CSPG4: variants seen among roughly 807,000 people sequenced by gnomAD.
CSPG4 encodes chondroitin sulfate proteoglycan 4, also known as chondroitin sulfate proteoglycan 4 (melanoma-associated).
A neutral mutation model predicts 139.3 loss-of-function variants in CSPG4; 74 were observed. That is an observed-to-expected ratio of 0.53 (90% CI 0.44 to 0.64). CSPG4 has a LOEUF of 0.64. Ranked by LOEUF, CSPG4 falls within the 30% of genes least tolerant of loss-of-function variation. The probability of loss-of-function intolerance (pLI) is 0.00; values close to 1 mark genes in which losing one functional copy is unlikely to be tolerated. For synonymous variants in CSPG4, 1,234 were observed against 1,394.2 expected (o/e 0.89, Z 2.56); for missense variants, 2,565 against 3,148.3 (o/e 0.81, Z 4.43).
Position 75,676,841 on chromosome 15 carries a change from C to T in CSPG4, c.5678G>A (p.Arg1893His), listed in dbSNP as rs375541852. 24 of 1,556,552 alleles carry T rather than the reference C, an allele frequency of 1.5e-5. No homozygotes were observed. Among genetic ancestry groups the T allele is most frequent in the African/African-American group, 4.1e-5 (3 of 73,454 alleles). ...LVGGGLGPVT[R>H]FTQADVDSGR... Reference sequence around the variant, plus strand: ...TGAATCCACATCGGCTTGCGTGAAGCGGGTCACGGGCCCCAGGCCACCACC... The same window carrying T: ...TGAATCCACATCGGCTTGCGTGAAGTGGGTCACGGGCCCCAGGCCACCACC... Residue 1893 changes from arginine (R) to histidine (H), a missense_variant, in exon 10 of 10, where the codon CGC (arginine) becomes CAC (histidine). Transcript: ENST00000308508.
intron 1 of CSPG4, among the ~76,000 whole-genome samples, chr15:75,695,066 G>A (rs1462883382): frequency 6.6e-6 from 1 of 152,172 alleles, no homozygotes; most frequent in Non-Finnish European, 1.5e-5. Context: ...ACTGCCCACA[G>A]TGAGAACATT....
In CSPG4 at chr15:75,687,416, C is replaced by A. The variant is rs1355777707; in HGVS notation, c.3649G>T (p.Ala1217Ser). ...PRDTMAFSVE[A>S]GPVHTDATLQ... ...GTGGCATCCGTGTGCACTGGCCCTG[C>A]TTCCACGGAGAAGGCCATGGTGTCG... Residue 1217 changes from alanine (A) to serine (S), a missense_variant, in exon 3 of 10, where the codon GCA becomes TCA. Coordinates refer to ENST00000308508, the MANE Select transcript of CSPG4 (RefSeq NM_001897.5). The surrounding 1 kb of genome is among the most constrained non-coding windows in gnomAD (Gnocchi z 5.4). 1.2e-6 allele frequency: 2 copies of A among 1,612,862 alleles called. No homozygotes were observed. The highest frequency in any genetic ancestry group is 1.7e-4 in the Middle Eastern group (1 of 6,002).
Position 75,677,257 on chromosome 15 carries a change from G to A in CSPG4, c.5262C>T (p.Phe1754=). The change falls in exon 10 of 10, where the codon TTC becomes TTT. Residue 1754 remains phenylalanine (F), a synonymous_variant. Transcript: ENST00000308508. ...EHDVLFQVTQ[F]PSRGQLLVSE... ...ACACCAACAGCTGGCCCCGGCTGGG[G>A]AACTGTGTGACCTGGAAGAGCACAT... 1.3e-6 allele frequency: 2 copies of A among 1,494,288 alleles called. No individual in the cohort carries two copies. Among genetic ancestry groups the A allele is most frequent in the Non-Finnish European group, 1.8e-6 (2 of 1,117,310 alleles). The allele number at this position is 1,494,288 out of a possible 1,614,324, so 92.6% of individuals were successfully genotyped here.
Position 75,712,831 on chromosome 15 carries a change from G to C in CSPG4, c.-76C>G, listed in dbSNP as rs528364973. Reference sequence around the variant, plus strand: ...GCTGGGAGCTGAGTGGAGCGAGCGCGGCTCTGCTCCTGGGCGCGGGCCGGC... The same window carrying C: ...GCTGGGAGCTGAGTGGAGCGAGCGCCGCTCTGCTCCTGGGCGCGGGCCGGC... On this transcript the variant is annotated 5_prime_UTR_variant, in exon 1 of 10. Coordinates refer to ENST00000308508, the MANE Select transcript of CSPG4 (RefSeq NM_001897.5). 9.2e-6 allele frequency: 12 copies of C among 1,307,594 alleles called. No homozygotes were observed. In the South Asian group the frequency reaches 1.1e-4, roughly 12 times the overall value. The allele number at this position is 1,307,594 out of a possible 1,614,324, so 81.0% of individuals were successfully genotyped here. A position where few individuals can be genotyped will look rare whatever the true frequency, so the allele number is the denominator to read the frequency against.
rs1894261128 is a variant in CSPG4, at chr15:75,698,684, C to T, written c.89-5451G>A. Among the ~76,000 whole-genome samples the T allele has an allele frequency of 6.6e-6, 1 of 152,054 alleles. No individual in the cohort carries two copies. The highest frequency in any genetic ancestry group is 2.4e-5 in the African/African-American group (1 of 41,400). On this transcript the variant is annotated intron_variant, in intron 1 of 9. Transcript: ENST00000308508. The surrounding 1 kb of genome is among the most constrained non-coding windows in gnomAD (Gnocchi z 4.3). ...ACATAACTGGGGGTCCCCTCCCCAG[C>T]ACATTGGTCTCCCTGGGCTCCTCAG...
At chr15:75,706,530 A>G (rs1894375700) in intron 1 of CSPG4, among the ~76,000 whole-genome samples, 1 of 152,130 alleles carries the variant, frequency 6.6e-6, no homozygotes, top group Non-Finnish European at 1.5e-5. Flanking sequence ...AGGTGAGGGT[A>G]GGGGAAGAAA....
Position 75,676,282 on chromosome 15 carries a change from A to G in CSPG4, c.6237T>C (p.Ser2079=). The G allele has an allele frequency of 1.3e-6, 2 of 1,591,660 alleles. No homozygotes were observed. The highest frequency in any genetic ancestry group is 1.7e-6 in the Non-Finnish European group (2 of 1,172,584). The part of the protein sequence containing the change: ...DAGELANRTG[S]VPRFRLLEGP... ...CCTCCAGGAGGCGGAAGCGCGGCAC[A>G]CTGCCTGTGCGGTTGGCCAGCTCGC... The change falls in exon 10 of 10, where the codon AGT becomes AGC. Residue 2079 remains serine (S), a synonymous_variant. Coordinates refer to ENST00000308508, the MANE Select transcript of CSPG4 (RefSeq NM_001897.5).
intron 1 of CSPG4, among the ~76,000 whole-genome samples, chr15:75,706,462 C>T (rs1473833506): frequency 3.3e-5 from 5 of 152,000 alleles, no homozygotes; most frequent in Non-Finnish European, 2.9e-5. Context: ...TGCACACACA[C>T]GCATGTGCAC....
At chr15:75,713,315 C>T (rs972567775), upstream of CSPG4, among the ~76,000 whole-genome samples, 5 of 152,208 alleles carry the variant, frequency 3.3e-5, no homozygotes, top group Admixed American at 3.3e-4. Flanking sequence ...AGAGGCACCA[C>T]CCGAGGTCCT....
chr15:75,681,647 T>A (rs1893975100), intron 8 of CSPG4, among the ~76,000 whole-genome samples: 1 of 152,012 alleles, frequency 6.6e-6, no homozygotes, highest in Non-Finnish European at 1.5e-5. Context: ...CTTCAGCGAG[T>A]GGTGTTCATT....
intron 8 of CSPG4, chr15:75,680,549 G>C (rs1034501418): frequency 1.3e-5 from 2 of 152,606 alleles, no homozygotes; most frequent in African/African-American, 4.8e-5. Flanking sequence ...CTGAATGGTG[G>C]GCAGGAAGGA....
At position 75,674,846 on chromosome 15, in the gene CSPG4, C is replaced by G. The variant is rs948581290; in HGVS notation, c.*704G>C. 15 of 398,512 alleles carry G rather than the reference C, an allele frequency of 3.8e-5. No homozygotes were observed. The highest frequency in any genetic ancestry group is 2.2e-5 in the Non-Finnish European group (5 of 226,138). The allele number at this position is 398,512 out of a possible 1,614,324, so 24.7% of individuals were successfully genotyped here. ...GAACTGGCTGCAGACCCTCCTCCAT[C>G]CCACACCCCCAGGGGCTCCATCAGT... On this transcript the variant is annotated 3_prime_UTR_variant, in exon 10 of 10. Transcript: ENST00000308508.
chr15:75,710,289 T>C (rs1190112577), intron 1 of CSPG4, among the ~76,000 whole-genome samples: 1 of 152,186 alleles, frequency 6.6e-6, no homozygotes, highest in Non-Finnish European at 1.5e-5. Context: ...CCGACTAGAA[T>C]GTCACCTCCT....
At chr15:75,705,830 AGTGT>A (rs1009407166) in intron 1 of CSPG4, among the ~76,000 whole-genome samples, 1 of 151,842 alleles carries the variant, frequency 6.6e-6, no homozygotes, top group Non-Finnish European at 1.5e-5. Flanking sequence ...GGGAAGTAAA[AGTGT>A]GTGTGTGTAT....
At position 75,677,151 on chromosome 15, in the gene CSPG4, C is replaced by T. The variant is rs373710408; in HGVS notation, c.5368G>A (p.Gly1790Ser). 2.9e-5 allele frequency: 41 copies of T among 1,427,514 alleles called. No homozygotes were observed. In the Admixed American group the frequency reaches 3.7e-4, roughly 13 times the overall value. The allele number at this position is 1,427,514 out of a possible 1,614,324, so 88.4% of individuals were successfully genotyped here. ...AAGQLVYAHGGGGTQQDGFHF... is the reference protein window; with the variant it reads ...AAGQLVYAHGSGGTQQDGFHF... ...AAGCCATCCTGCTGGGTGCCCCCAC[C>T]GCCGTGGGCATACACTAGCTGCCCT... Residue 1790 changes from glycine (G) to serine (S), a missense_variant, in exon 10 of 10, where the codon GGT becomes AGT. Around this residue, in one of 5 missense-constraint regions of CSPG4, gnomAD observed 2,316 missense variants for 2,818.2 expected, o/e 0.82. Transcript: ENST00000308508.
rs778967849 is a variant in CSPG4 at position 75,676,834 on chromosome 15, C to T, written c.5685G>A (p.Thr1895=). 1.3e-5 allele frequency: 20 copies of T among 1,555,056 alleles called. No individual in the cohort carries two copies. Among genetic ancestry groups the T allele is most frequent in the Admixed American group, 1.1e-4 (6 of 52,942 alleles). ...GCCGCCCTGAATCCACATCGGCTTG[C>T]GTGAAGCGGGTCACGGGCCCCAGGC... ...GGGLGPVTRF[T]QADVDSGRLA... Residue 1895 remains threonine (T), a synonymous_variant, in exon 10 of 10, where the codon ACG becomes ACA. Transcript: ENST00000308508.
At chr15:75,677,536 G>A in intron 9 of CSPG4, 152 bp from the exon 10 acceptor site, 1 of 1,208,744 alleles carries the variant, frequency 8.3e-7, no homozygotes, top group Non-Finnish European at 1.1e-6. Flanking sequence ...GGAGGATAAG[G>A]ACTATGTCCC....
Position 75,675,858 on chromosome 15 carries a change from T to A in CSPG4, c.6661A>T (p.Asn2221Tyr), listed in dbSNP as rs1566970891. The change falls in exon 10 of 10, where the codon AAC becomes TAC. Residue 2221 changes from asparagine (N) to tyrosine (Y), a missense_variant. Physicochemically the swap from Asn to Tyr is moderately radical, Grantham distance 143 (BLOSUM62 -2). Around this residue, in one of 5 missense-constraint regions of CSPG4, gnomAD observed 2,316 missense variants for 2,818.2 expected, o/e 0.82. Coordinates refer to ENST00000308508, the MANE Select transcript of CSPG4 (RefSeq NM_001897.5). The stretch of plus-strand genomic sequence containing the variant: ...ATGGGGATGATGACGCTGAACATGT[T>A]GGCCTCAAGGAAGCTCAGGAAGCCT... ...KGGFLSFLEANMFSVIIPMCL... is the reference protein window; with the variant it reads ...KGGFLSFLEAYMFSVIIPMCL... 6.8e-6 allele frequency: 11 copies of A among 1,609,966 alleles called. No individual in the cohort carries two copies. The highest frequency in any genetic ancestry group is 9.3e-6 in the Non-Finnish European group (11 of 1,179,994).
rs139591720 is a variant in CSPG4, at chr15:75,690,652, G to T, written c.413C>A (p.Ala138Asp). The change falls in exon 3 of 10, where the codon GCC (alanine) becomes GAC (aspartate). Residue 138 changes from alanine to aspartate, a missense_variant. Ala to Asp is a moderately radical substitution (Grantham distance 126). Around this residue, in one of 5 missense-constraint regions of CSPG4, gnomAD observed 132 missense variants for 132.3 expected, o/e 1.00. Transcript: ENST00000308508. ...GAGCCCATAGGGGACCTCTAGGGGG[G>T]CTCCTGGGACTGCTGAGGAGGCGTT... ...FLNASSAVPG[A>D]PLEVPYGLFV... is the part of the protein sequence containing the mutation. 1.2e-6 allele frequency: 2 copies of T among 1,612,092 alleles called. No homozygotes were observed. Among genetic ancestry groups the T allele is most frequent in the Middle Eastern group, 1.9e-4 (1 of 5,402 alleles).
Sources: allele counts gnomAD v4.1 joint callset (sites outside exome capture counted in the v4.1 genomes callset), GRCh38; gene constraint gnomAD v4.1.1; regional missense constraint gnomAD v4.1.1; non-coding constraint Gnocchi (gnomAD v3.1); transcripts MANE v1.5; gene names NCBI Gene and HGNC (gene_info 2026-07-23, HGNC 2026-07-21).